TBC1D9B: variants seen among roughly 807,000 people sequenced by gnomAD.
TBC1D9B encodes TBC1 domain family member 9B.
In TBC1D9B, 87 loss-of-function variants were observed where a neutral mutation model predicts 121.1. The observed-to-expected ratio is 0.72, with a 90% CI of 0.60 to 0.86. The LOEUF (loss-of-function observed/expected upper bound fraction) is 0.86. Among genes scored for constraint, TBC1D9B ranks in the 40% least tolerant of loss-of-function variants. The probability of loss-of-function intolerance (pLI) is 0.00; values close to 1 mark genes in which losing one functional copy is unlikely to be tolerated. For synonymous variants in TBC1D9B, 668 were observed against 670.1 expected (o/e 1.00, Z 0.05); for missense variants, 1,540 against 1,628.6 (o/e 0.95, Z 0.94).
chr5:179,867,631 C>G (rs1253617107), intron 18 of TBC1D9B, 147 bp downstream of exon 18: 1 of 1,484,290 alleles, frequency 6.7e-7, no homozygotes, highest in Admixed American at 1.9e-5. Context: ...ATGGCAGAGC[C>G]CAGCCCGTGG....
At chr5:179,871,643 C>T (rs1760202627) in intron 14 of TBC1D9B, 113 bp from the exon 15 acceptor site, 2 of 1,118,768 alleles carry the variant, frequency 1.8e-6, no homozygotes, top group Non-Finnish European at 2.6e-6. Flanking sequence ...GAACCGCCCT[C>T]TCAGTGGCCC....
chr5:179,867,111 C>A (rs1270096331), intron 18 of TBC1D9B: 6 of 249,998 alleles, frequency 2.4e-5, no homozygotes, highest in Admixed American at 9.6e-5. Context: ...TTCCAGCCCC[C>A]ACTCAGCCAC....
intron 7 of TBC1D9B, 126 bp from the exon 8 acceptor site, chr5:179,879,915 C>A: frequency 1.7e-6 from 2 of 1,165,384 alleles, no homozygotes; most frequent in Non-Finnish European, 2.3e-6. Context: ...AAACGGTGCA[C>A]GGAGAAGAGC....
At chr5:179,887,815 C>CT (rs1212001024) in intron 7 of TBC1D9B, 6 of 491,760 alleles carry the variant, frequency 1.2e-5, no homozygotes, top group African/African-American at 1.2e-4. Context: ...TGGCTTTGCT[C>CT]TGAGTGCAGC....
chr5:179,893,256 G>A lies in TBC1D9B; in HGVS notation c.789C>T (p.Ala263=), dbSNP rs569727825. 8.6e-5 allele frequency: 138 copies of A among 1,613,498 alleles called. No homozygotes were observed. The South Asian group carries it at 1.4e-3, about 16-fold the overall frequency. Residue 263 remains alanine (A), a synonymous_variant, in exon 5 of 21, where the codon GCC becomes GCT. Transcript: ENST00000355235. ...TGTGTGGCCGGATGGGCCTAGGCAG[G>A]GCCTTGTCCTCCAGGAAGCCCTCGC... ...LDSEGFLEDK[A]LPRPIRPHRN...
At chr5:179,893,742 A>G (rs958444971) in intron 4 of TBC1D9B, among the ~76,000 whole-genome samples, 13 of 152,152 alleles carry the variant, frequency 8.5e-5, no homozygotes, top group Admixed American at 5.2e-4. Flanking sequence ...AACCACCGAG[A>G]CCCACCCAGC....
chr5:179,876,043 G>A lies in TBC1D9B; in HGVS notation c.1783-6C>T, dbSNP rs368846455. 33 of 1,610,760 alleles carry A rather than the reference G, an allele frequency of 2.0e-5. No individual in the cohort carries two copies. Among genetic ancestry groups the A allele is most frequent in the African/African-American group, 2.7e-5 (2 of 74,852 alleles). On this transcript the variant is annotated splice_region_variant and splice_polypyrimidine_tract_variant and intron_variant, in intron 10 of 20. Coordinates refer to ENST00000355235, the MANE Select transcript of TBC1D9B (RefSeq NM_015043.4). ...GAGGTCACGATGTTCATTGCCTGCC[G>A]GGCACAGAGACAGCCGGGGAAGGCT...
chr5:179,887,230 G>C (rs1280030191), intron 7 of TBC1D9B, among the ~76,000 whole-genome samples: 1 of 152,228 alleles, frequency 6.6e-6, no homozygotes, highest in African/African-American at 2.4e-5. Context: ...GCTGGATCCA[G>C]GCATATTCTC....
rs146400330 is a variant in TBC1D9B at position 179,904,983 on chromosome 5, G to C, written c.119-171C>G. On this transcript the variant is annotated intron_variant, in intron 1 of 20. Transcript: ENST00000355235. This position sits in a 1 kb window ranked among gnomAD's most constrained non-coding sequence, Gnocchi z 4.2. ...GGTCAAAGGCCTTCAGCCAGTGTCT[G>C]ATCCCGATCAAAAACATCCCCTTCT... 3.5e-3 allele frequency among the ~76,000 whole-genome samples: 537 copies of C among 152,326 alleles called. 3 individuals are homozygous for C. The highest frequency in any genetic ancestry group is 0.012 in the African/African-American group (516 of 41,574).
chr5:179,862,462 G>A lies in TBC1D9B; in HGVS notation c.*986C>T, dbSNP rs1759871864. 1 of 432,178 alleles carries A rather than the reference G, an allele frequency of 2.3e-6. No individual in the cohort carries two copies. The highest frequency in any genetic ancestry group is 4.8e-6 in the Non-Finnish European group (1 of 208,416). 26.8% of individuals were successfully genotyped at this position (432,178 alleles called of 1,614,324 possible). On this transcript the variant is annotated 3_prime_UTR_variant, in exon 21 of 21. Coordinates refer to ENST00000355235, the MANE Select transcript of TBC1D9B (RefSeq NM_015043.4). The stretch of plus-strand genomic sequence containing the variant: ...CAGCTTGCTACAGCCCAGGCCTGAG[G>A]ATGCACTTCCTTCACCAGGACCCAC...
chr5:179,900,758 C>T (rs558583386), intron 2 of TBC1D9B, among the ~76,000 whole-genome samples: 27 of 152,328 alleles, frequency 1.8e-4, no homozygotes, highest in East Asian at 1.7e-3. Flanking sequence ...AGAAGCTGCT[C>T]GCATGCACGG....
rs1196948829 is a variant in TBC1D9B, at chr5:179,907,533, C to G, written c.118+171G>C. On this transcript the variant is annotated intron_variant, in intron 1 of 20. Transcript: ENST00000355235. This position sits in a 1 kb window ranked among gnomAD's most constrained non-coding sequence, Gnocchi z 5.3. ...GCCTCCCCGCCCCGGCCCCTCCGCG[C>G]CCGGCTCCCGGGTCCTGGCCTCGCG... is the stretch of plus-strand genomic sequence containing the variant. Among the ~76,000 whole-genome samples, 1 of 149,558 alleles carries G rather than the reference C, an allele frequency of 6.7e-6. No homozygotes were observed. Among genetic ancestry groups the G allele is most frequent in the African/African-American group, 2.4e-5 (1 of 41,084 alleles).
rs1346272644 is a variant in TBC1D9B at position 179,873,107 on chromosome 5, C to A, written c.2316+12G>T. 1 of 1,610,540 alleles carries A rather than the reference C, an allele frequency of 6.2e-7. No homozygotes were observed. Among genetic ancestry groups the A allele is most frequent in the South Asian group, 1.1e-5 (1 of 90,664 alleles). Reference sequence around the variant, plus strand: ...GAGCGGCCTGGCCAAAATGGCCCCACTGGGTGCTGACCTCATAGGACACTT... The same window carrying A: ...GAGCGGCCTGGCCAAAATGGCCCCAATGGGTGCTGACCTCATAGGACACTT... On this transcript the variant is annotated intron_variant, in intron 13 of 20. Transcript: ENST00000355235.
In TBC1D9B at chr5:179,874,624, C is replaced by T. The variant is rs1760306379; in HGVS notation, c.2186+278G>A. Among the ~76,000 whole-genome samples the T allele has an allele frequency of 1.3e-5, 2 of 152,186 alleles. No individual in the cohort carries two copies. The highest frequency in any genetic ancestry group is 4.1e-4 in the South Asian group (2 of 4,834). On this transcript the variant is annotated intron_variant, in intron 12 of 20. Transcript: ENST00000355235. The surrounding 1 kb of genome is among the most constrained non-coding windows in gnomAD (Gnocchi z 4.3). The stretch of plus-strand genomic sequence containing the variant: ...TCACTGGATCTTGGCTCTGGTTTGC[C>T]CTCAGGGGAAGCATCTCCAACCCTA...
At position 179,863,883 on chromosome 5, in the gene TBC1D9B, G is replaced by A. The variant is rs1331006213; in HGVS notation, c.3267C>T (p.Asp1089=). 1 of 1,613,148 alleles carries A rather than the reference G, an allele frequency of 6.2e-7. No individual in the cohort carries two copies. The highest frequency in any genetic ancestry group is 2.2e-5 in the East Asian group (1 of 44,864). The part of the protein sequence containing the change: ...ARELQPPAAG[D]PQAKAGGDTH... ...TGTCTCCGCCTGCTTTGGCTTGGGG[G>A]TCTCCTGCAGCTGGGGGCTGAAGCT... Residue 1089 remains aspartate, a synonymous_variant, in exon 21 of 21, where the codon GAC becomes GAT. Coordinates refer to ENST00000355235, the MANE Select transcript of TBC1D9B (RefSeq NM_015043.4). This position sits in a 1 kb window ranked among gnomAD's most constrained non-coding sequence, Gnocchi z 4.5.
intron 17 of TBC1D9B, chr5:179,868,135 T>C: frequency 4.1e-6 from 1 of 243,044 alleles, no homozygotes; most frequent in Non-Finnish European, 7.9e-6. Flanking sequence ...CCTACTGGGC[T>C]ACAGTGATTC....
Position 179,862,284 on chromosome 5 carries a change from T to C in TBC1D9B, c.*1164A>G. 2 of 270,882 alleles carry C rather than the reference T, an allele frequency of 7.4e-6. No individual in the cohort carries two copies. The highest frequency in any genetic ancestry group is 4.0e-5 in the Admixed American group (1 of 24,830). The allele number at this position is 270,882 out of a possible 1,614,324, so 16.8% of individuals were successfully genotyped here. A position where few individuals can be genotyped will look rare whatever the true frequency, so the allele number is the denominator to read the frequency against. On this transcript the variant is annotated 3_prime_UTR_variant, in exon 21 of 21. Coordinates refer to ENST00000355235, the MANE Select transcript of TBC1D9B (RefSeq NM_015043.4). ...AGGGGGTAACTGCTGTATCTTTTAG[T>C]AGAAGCAAGAGCAGCCCCATGTGGG...
chr5:179,867,994 T>C, intron 17 of TBC1D9B, 145 bp from the exon 18 acceptor site: 1 of 600,578 alleles, frequency 1.7e-6, no homozygotes, highest in Non-Finnish European at 2.6e-6. Flanking sequence ...CAGTGCCCGG[T>C]AATAGTTTTG....
intron 5 of TBC1D9B, 87 bp downstream of exon 5, chr5:179,893,122 G>T (rs937250642): frequency 3.7e-5 from 55 of 1,506,022 alleles, no homozygotes; most frequent in Non-Finnish European, 4.7e-5. Context: ...CCTTCTCCAG[G>T]TCTACACACT....
Sources: gnomAD v4.1 joint callset for allele counts (sites outside exome capture counted in the v4.1 genomes callset) on GRCh38, gnomAD v4.1.1 for gene constraint, Gnocchi (gnomAD v3.1) non-coding constraint, MANE v1.5 for transcripts, NCBI Gene and HGNC (gene_info 2026-07-23, HGNC 2026-07-21) for gene names.